The following BCAR1 variants were observed in gnomAD, a reference collection of about 807,000 sequenced individuals.
BCAR1 encodes breast cancer anti-estrogen resistance protein 1.
A neutral mutation model predicts 67.6 loss-of-function variants in BCAR1; 30 were observed. The ratio of observed to expected loss-of-function variants is 0.44; its 90% CI spans 0.33 to 0.60. The LOEUF is 0.60. Among genes scored for constraint, BCAR1 ranks in the 20% least tolerant of loss-of-function variants. The pLI is 0.02. For synonymous variants in BCAR1, 626 were observed against 556.7 expected (o/e 1.12, Z -1.75); for missense variants, 1,313 against 1,222.3 (o/e 1.07, Z -1.11).
intron 1 of BCAR1, chr16:75,263,213 G>A (rs2077942673): frequency 1.0e-6 from 1 of 984,800 alleles, no homozygotes; most frequent in Non-Finnish European, 1.2e-6. Flanking sequence ...CAGACAGCAG[G>A]GAGGCCTCTC....
chr16:75,248,093 C>T, intron 1 of BCAR1: 2 of 1,596,402 alleles, frequency 1.3e-6, no homozygotes, highest in Non-Finnish European at 1.7e-6. Flanking sequence ...CTCAGAAGCT[C>T]CCTGACAGCC....
Position 75,242,719 on chromosome 16 carries a change from G to A in BCAR1, c.384C>T (p.Tyr128=). ...PTPSKAQQGL[Y]QVPGPSPQFQ... ...ACTGAGGGCTGGGACCCGGGACTTGGTAGAGGCCTTGCTGAGCCTTGCTGG... is the reference window on the plus strand; with the variant it reads ...ACTGAGGGCTGGGACCCGGGACTTGATAGAGGCCTTGCTGAGCCTTGCTGG... Residue 128 remains tyrosine (Y), a synonymous_variant, in exon 2 of 7, where the codon TAC becomes TAT. Transcript: ENST00000162330. 6.4e-7 allele frequency: 1 copy of A among 1,570,972 alleles called. No individual in the cohort carries two copies. Among genetic ancestry groups the A allele is most frequent in the Non-Finnish European group, 8.6e-7 (1 of 1,159,592 alleles).
chr16:75,262,075 G>A (rs528790533), intron 1 of BCAR1, among the ~76,000 whole-genome samples: 39 of 152,306 alleles, frequency 2.6e-4, no homozygotes, highest in Admixed American at 2.5e-3. Context: ...AAGGCACAGA[G>A]CCAACACTGT....
At chr16:75,254,690 CG>C (rs1482431835), upstream of BCAR1, among the ~76,000 whole-genome samples, 10 of 152,178 alleles carry the variant, frequency 6.6e-5, no homozygotes, top group African/African-American at 2.2e-4. Flanking sequence ...GATATGTGGC[CG>C]GGGCACCAGC....
chr16:75,254,081 G>C (rs1008117175), upstream of BCAR1, among the ~76,000 whole-genome samples: 2 of 152,062 alleles, frequency 1.3e-5, no homozygotes, highest in East Asian at 1.9e-4. Context: ...GATTATAGGC[G>C]TGAGCCACTG....
intron 5 of BCAR1, among the ~76,000 whole-genome samples, 193 bp from the exon 6 acceptor site, chr16:75,234,128 C>G (rs2077006980): frequency 6.6e-6 from 1 of 151,330 alleles, no homozygotes; most frequent in African/African-American, 2.4e-5. Flanking sequence ...CACGTGAACA[C>G]ACACACAGAC....
upstream of BCAR1, chr16:75,251,737 G>GGGGCGC (rs2077685837): frequency 1.0e-6 from 1 of 967,352 alleles, no homozygotes; most frequent in Non-Finnish European, 1.2e-6. Context: ...CCGCCTGTCG[G>GGGGCGC]GGGCGCGGGC....
intron 2 of BCAR1, among the ~76,000 whole-genome samples, chr16:75,241,680 A>T (rs2077347247): frequency 6.6e-6 from 1 of 152,172 alleles, no homozygotes; most frequent in African/African-American, 2.4e-5. Context: ...CCTCCTGGGT[A>T]CCAGGCCACC....
intron 1 of BCAR1, among the ~76,000 whole-genome samples, chr16:75,256,720 G>A (rs758635903): frequency 3.3e-5 from 5 of 151,922 alleles, no homozygotes; most frequent in African/African-American, 4.8e-5. Context: ...GCCCGAGGCC[G>A]GTGTGAGCCA....
chr16:75,252,222 G>T, upstream of BCAR1: 3 of 1,536,568 alleles, frequency 2.0e-6, no homozygotes, highest in Non-Finnish European at 2.6e-6. Flanking sequence ...CGCTTTTCAC[G>T]GGCAGCACCT....
At chr16:75,238,201 G>A in intron 2 of BCAR1, 3 of 1,213,250 alleles carry the variant, frequency 2.5e-6, no homozygotes, top group Non-Finnish European at 3.2e-6. Flanking sequence ...CCTGAAGCGG[G>A]TAGGGGCCAT....
chr16:75,230,680 AG>A (rs2076872215), intron 6 of BCAR1, among the ~76,000 whole-genome samples: 1 of 152,182 alleles, frequency 6.6e-6, no homozygotes, highest in Admixed American at 6.5e-5. Flanking sequence ...TGGCTCCGGA[AG>A]TGACCAGCCA....
chr16:75,260,800 C>A (rs1245117734), intron 1 of BCAR1, among the ~76,000 whole-genome samples: 4 of 152,168 alleles, frequency 2.6e-5, no homozygotes, highest in African/African-American at 9.7e-5. Flanking sequence ...CAAGCCTAAA[C>A]CCACCATGCT....
At position 75,237,303 on chromosome 16, in the gene BCAR1, C is replaced by T; in HGVS notation, c.675G>A (p.Glu225=). Residue 225 remains glutamate (E), a synonymous_variant, in exon 3 of 7, where the codon GAG becomes GAA. Transcript: ENST00000162330. ...ACTCGTCCTGCTCCGGCTGGGCGGC[C>T]TCGTATACATAGCCCTGCCCCACGC... ...PTRVGQGYVY[E]AAQPEQDEYD... The T allele has an allele frequency of 1.3e-6, 2 of 1,523,780 alleles. No individual in the cohort carries two copies. Among genetic ancestry groups the T allele is most frequent in the Non-Finnish European group, 8.8e-7 (1 of 1,139,490 alleles). 94.4% of individuals were successfully genotyped at this position (1,523,780 alleles called of 1,614,324 possible).
At chr16:75,266,813 T>C (rs2078016286) in intron 1 of BCAR1, 1 of 1,361,870 alleles carries the variant, frequency 7.3e-7, no homozygotes, top group East Asian at 2.7e-5. Context: ...CAGAGCACTG[T>C]CCCGGAGGTC....
At position 75,235,616 on chromosome 16, in the gene BCAR1, G is replaced by A. The variant is rs746177979; in HGVS notation, c.1283C>T (p.Ser428Leu). ...GCGTGTGCTGCCGGTGCTGGAGGCC[G>A]ACAGGCGCTTGCCCTCTGCCGGGGC... is the stretch of plus-strand genomic sequence containing the variant. ...REAPAEGKRLSASSTGSTRSS... is the reference protein window; with the variant it reads ...REAPAEGKRLLASSTGSTRSS... Residue 428 changes from serine (S) to leucine (L), a missense_variant, in exon 5 of 7, where the codon TCG becomes TTG. Transcript: ENST00000162330. The A allele has an allele frequency of 6.2e-6, 10 of 1,600,182 alleles. No homozygotes were observed. In the East Asian group the frequency reaches 6.8e-5, roughly 11 times the overall value.
chr16:75,265,467 G>A (rs1423447378), intron 1 of BCAR1, among the ~76,000 whole-genome samples: 1 of 152,184 alleles, frequency 6.6e-6, no homozygotes, highest in African/African-American at 2.4e-5. Context: ...AGGCCTAGCC[G>A]TCCTGGTGCG....
chr16:75,229,932 C>T lies in BCAR1; in HGVS notation c.2192G>A (p.Gly731Glu). Residue 731 changes from glycine to glutamate, a missense_variant, in exon 7 of 7, where the codon GGG (glycine) becomes GAG (glutamate). Transcript: ENST00000162330. ...NWTPAQPLAPGRTGGLGPSDR... is the reference protein window; with the variant it reads ...NWTPAQPLAPERTGGLGPSDR... Reference sequence around the variant, plus strand: ...CGAGGGCCCCAGGCCGCCTGTTCGCCCCGGGGCCAGGGGTTGGGCTGGCGT... The same window carrying T: ...CGAGGGCCCCAGGCCGCCTGTTCGCTCCGGGGCCAGGGGTTGGGCTGGCGT... 5 of 1,605,542 alleles carry T rather than the reference C, an allele frequency of 3.1e-6. No homozygotes were observed. Among genetic ancestry groups the T allele is most frequent in the Non-Finnish European group, 4.3e-6 (5 of 1,174,080 alleles).
chr16:75,249,426 G>A (rs764458249), intron 1 of BCAR1: 2 of 152,248 alleles, frequency 1.3e-5, no homozygotes, highest in Non-Finnish European at 1.5e-5. Context: ...GCCAGGAAGG[G>A]CCTGACAGAG....
Sources: gnomAD v4.1 joint callset for allele counts (sites outside exome capture counted in the v4.1 genomes callset) on GRCh38, gnomAD v4.1.1 for gene constraint, MANE v1.5 for transcripts, NCBI Gene and HGNC (gene_info 2026-07-23, HGNC 2026-07-21) for gene names.